Variants in RGCC observed in about 807,000 individuals in gnomAD.
RGCC encodes regulator of cell cycle RGCC.
RGCC carries 15 observed loss-of-function variants against 15.4 expected under a neutral mutation model. That is an observed-to-expected ratio of 0.97 (90% CI 0.65 to 1.50). RGCC has a LOEUF of 1.50. Ranked by LOEUF, RGCC falls within the 40% of genes most tolerant of loss-of-function variation. The probability of loss-of-function intolerance (pLI) is 0.00; values close to 1 mark genes in which losing one functional copy is unlikely to be tolerated. For synonymous variants in RGCC, 81 were observed against 78.0 expected (o/e 1.04, Z -0.20); for missense variants, 176 against 189.7 (o/e 0.93, Z 0.42).
At chr13:41,465,910 G>A (rs1406444052) in intron 2 of RGCC, among the ~76,000 whole-genome samples, 1 of 152,006 alleles carries the variant, frequency 6.6e-6, no homozygotes. Flanking sequence ...AGGCTCAGAG[G>A]GCAGAAGGGA....
chr13:41,461,433 A>G (rs1357968789), intron 2 of RGCC, among the ~76,000 whole-genome samples: 1 of 152,226 alleles, frequency 6.6e-6, no homozygotes, highest in African/African-American at 2.4e-5. Context: ...AAGGTAAACC[A>G]TGTTTTCTCA....
rs1281774703 is a variant in RGCC at position 41,458,074 on chromosome 13, G to C, written c.50-211G>C. ...TGACCCTGGGCCTGGCGAAGGCTCA[G>C]TTTTCTTGTCTGTAAAACGGACTTG... On this transcript the variant is annotated intron_variant, in intron 1 of 4. Transcript: ENST00000379359. The surrounding 1 kb of genome is among the most constrained non-coding windows in gnomAD (Gnocchi z 4.4). 6.6e-6 allele frequency among the ~76,000 whole-genome samples: 1 copy of C among 152,240 alleles called. No homozygotes were observed. The highest frequency in any genetic ancestry group is 2.4e-5 in the African/African-American group (1 of 41,466).
chr13:41,460,068 G>A (rs935006628), intron 2 of RGCC, among the ~76,000 whole-genome samples: 6 of 152,220 alleles, frequency 3.9e-5, no homozygotes, highest in Admixed American at 3.9e-4. Context: ...AGATAGTTGG[G>A]ATAGTTTGTA....
chr13:41,458,197 G>T lies in RGCC; in HGVS notation c.50-88G>T. The T allele has an allele frequency of 8.8e-7, 1 of 1,133,778 alleles. No individual in the cohort carries two copies. The highest frequency in any genetic ancestry group is 1.5e-5 in the South Asian group (1 of 64,808). 70.2% of individuals were successfully genotyped at this position (1,133,778 alleles called of 1,614,324 possible). A position where few individuals can be genotyped will look rare whatever the true frequency, so the allele number is the denominator to read the frequency against. ...GAGGCGCCAAGTGTCAGTTATCTTC[G>T]GGAACCGTGGCGGCCCCTCCTGGCC... On this transcript the variant is annotated intron_variant, in intron 1 of 4. Transcript: ENST00000379359. This position sits in a 1 kb window ranked among gnomAD's most constrained non-coding sequence, Gnocchi z 4.4.
intron 2 of RGCC, among the ~76,000 whole-genome samples, chr13:41,464,842 G>A (rs2043839592): frequency 6.6e-6 from 1 of 152,148 alleles, no homozygotes. Context: ...ACCTCTGAAG[G>A]AAGCAAAGAT....
At chr13:41,466,189 ACT>A (rs912982627) in intron 2 of RGCC, among the ~76,000 whole-genome samples, 94 of 46,078 alleles carry the variant, frequency 2.0e-3, no homozygotes, top group African/African-American at 3.9e-3. Context: ...TCACACACAC[ACT>A]CACACACACT....
chr13:41,467,280 T>C (rs1252811223), intron 3 of RGCC, among the ~76,000 whole-genome samples: 1 of 152,236 alleles, frequency 6.6e-6, no homozygotes, highest in Non-Finnish European at 1.5e-5. Context: ...AATTTAAAAC[T>C]CAGCAGTTTG....
chr13:41,468,717 G>C, intron 3 of RGCC, 59 bp from the exon 4 acceptor site: 1 of 1,353,258 alleles, frequency 7.4e-7, no homozygotes, highest in Admixed American at 1.7e-5. Flanking sequence ...GTCATCAGCT[G>C]TCTTTGTTAT....
chr13:41,468,734 T>G, intron 3 of RGCC, 42 bp from the exon 4 acceptor site: 1 of 1,437,220 alleles, frequency 7.0e-7, no homozygotes, highest in African/African-American at 1.4e-5. Context: ...TTATGGAAAC[T>G]GAACTCTCTC....
chr13:41,459,945 G>A (rs530038478), intron 2 of RGCC, among the ~76,000 whole-genome samples: 9 of 152,334 alleles, frequency 5.9e-5, no homozygotes, highest in South Asian at 2.1e-4. Context: ...AGGTCTGAGC[G>A]CGCCCATTCA....
intron 2 of RGCC, among the ~76,000 whole-genome samples, chr13:41,465,586 T>A (rs1464612092): frequency 6.6e-6 from 1 of 152,166 alleles, no homozygotes; most frequent in Non-Finnish European, 1.5e-5. Context: ...TACTTAGTAG[T>A]TGACTGGATG....
chr13:41,464,444 T>C (rs776293476), intron 2 of RGCC, among the ~76,000 whole-genome samples: 3 of 151,912 alleles, frequency 2.0e-5, no homozygotes, highest in African/African-American at 4.8e-5. Context: ...CTTGGGAGAA[T>C]TGGAGAGCCC....
At position 41,468,846 on chromosome 13, in the gene RGCC, C is replaced by G. The variant is rs1338297771; in HGVS notation, c.406+8C>G. On this transcript the variant is annotated splice_region_variant and intron_variant, in intron 4 of 4. Coordinates refer to ENST00000379359, the MANE Select transcript of RGCC (RefSeq NM_014059.3). ...TTGACAAAACTTTAGCAAGTAAGTA[C>G]ATGTCTGATATTAAAAACAAAAAAA... is the stretch of plus-strand genomic sequence containing the variant. 6.3e-7 allele frequency: 1 copy of G among 1,587,618 alleles called. No homozygotes were observed. Among genetic ancestry groups the G allele is most frequent in the Admixed American group, 1.7e-5 (1 of 57,852 alleles).
chr13:41,458,380 C>G lies in RGCC; in HGVS notation c.145C>G (p.Arg49Gly). 3 of 1,598,576 alleles carry G rather than the reference C, an allele frequency of 1.9e-6. No individual in the cohort carries two copies. Among genetic ancestry groups the G allele is most frequent in the African/African-American group, 1.3e-5 (1 of 74,946 alleles). ...CGACTTCGCGTCGCCCTTCCACGAG[C>G]GCCACTTCCACTACGAGGAGCACCT... ...LADFASPFHE[R>G]HFHYEEHLER... Residue 49 changes from arginine (R) to glycine (G), a missense_variant, in exon 2 of 5, where the codon CGC becomes GGC. Arg to Gly is a moderately radical substitution (Grantham distance 125). Coordinates refer to ENST00000379359, the MANE Select transcript of RGCC (RefSeq NM_014059.3). This position sits in a 1 kb window ranked among gnomAD's most constrained non-coding sequence, Gnocchi z 4.4.
intron 2 of RGCC, among the ~76,000 whole-genome samples, chr13:41,461,505 TAAG>T (rs2043820987): frequency 6.6e-6 from 1 of 152,250 alleles, no homozygotes; most frequent in African/African-American, 2.4e-5. Context: ...GTTGACTTTA[TAAG>T]AAGTTTATAA....
Position 41,470,851 on chromosome 13 carries a change from A to C in RGCC, c.*366A>C, listed in dbSNP as rs2043872447. 2 of 174,106 alleles carry C rather than the reference A, an allele frequency of 1.1e-5. No individual in the cohort carries two copies. The highest frequency in any genetic ancestry group is 2.4e-5 in the Non-Finnish European group (2 of 82,972). The allele number at this position is 174,106 out of a possible 1,614,324, so 10.8% of individuals were successfully genotyped here. Reference sequence around the variant, plus strand: ...TTCCCATTATAATATATTTTTGTATACAAATAAAATTTGAACTGAAGTCTG... The same window carrying C: ...TTCCCATTATAATATATTTTTGTATCCAAATAAAATTTGAACTGAAGTCTG... On this transcript the variant is annotated 3_prime_UTR_variant, in exon 5 of 5. Transcript: ENST00000379359.
intron 4 of RGCC, among the ~76,000 whole-genome samples, chr13:41,469,289 TAATAATAAGAAG>T (rs61538666): frequency 0.063 from 6,372 of 100,842 alleles, 137 homozygotes; most frequent in Middle Eastern, 0.078. Flanking sequence ...ATAATAATAA[TAATAATAAGAAG>T]AAGAAGAAGA....
chr13:41,458,316 C>G lies in RGCC; in HGVS notation c.81C>G (p.Asp27Glu). ...APALDSAAAE[D>E]LSDALCEFDA... The stretch of plus-strand genomic sequence containing the variant: ...CCCTGGACTCGGCGGCCGCGGAGGA[C>G]CTGTCGGACGCGCTGTGCGAGTTTG... The change falls in exon 2 of 5, where the codon GAC becomes GAG. Residue 27 changes from aspartate (D) to glutamate (E), a missense_variant. Physicochemically the swap from Asp to Glu is conservative, Grantham distance 45. Transcript: ENST00000379359. This position sits in a 1 kb window ranked among gnomAD's most constrained non-coding sequence, Gnocchi z 4.4. 2 of 1,584,124 alleles carry G rather than the reference C, an allele frequency of 1.3e-6. No individual in the cohort carries two copies. Among genetic ancestry groups the G allele is most frequent in the South Asian group, 1.1e-5 (1 of 88,336 alleles).
rs869157194 is a variant in RGCC, at chr13:41,469,295, T to TAATAATAAGAAGAAGAAG, written c.406+459_406+460insTAATAAGAAGAAGAAGAA. ...ATAATAATAATAATAATAATAATAA[T>TAATAATAAGAAGAAGAAG]AAGAAGAAGAAGAAGAAGAAGAAGA... On this transcript the variant is annotated intron_variant, in intron 4 of 4. Coordinates refer to ENST00000379359, the MANE Select transcript of RGCC (RefSeq NM_014059.3). Among the ~76,000 whole-genome samples the TAATAATAAGAAGAAGAAG allele has an allele frequency of 1.3e-3, 116 of 86,722 alleles. 1 individual carries two copies. Among genetic ancestry groups the TAATAATAAGAAGAAGAAG allele is most frequent in the African/African-American group, 4.0e-3 (106 of 26,742 alleles). The allele number at this position is 86,722 out of a possible 152,430, so 56.9% of individuals were successfully genotyped here. A position where few individuals can be genotyped will look rare whatever the true frequency, so the allele number is the denominator to read the frequency against.
Sources: allele counts gnomAD v4.1 joint callset (sites outside exome capture counted in the v4.1 genomes callset), GRCh38; gene constraint gnomAD v4.1.1; non-coding constraint Gnocchi (gnomAD v3.1); transcripts MANE v1.5; gene names NCBI Gene and HGNC (gene_info 2026-07-23, HGNC 2026-07-21).